PIP5K1C: variants seen among roughly 807,000 people sequenced by gnomAD.
PIP5K1C encodes the protein phosphatidylinositol-4-phosphate 5-kinase type 1 gamma.
In PIP5K1C, 45 loss-of-function variants were observed where a neutral mutation model predicts 80.1. That is an observed-to-expected ratio of 0.56 (90% CI 0.44 to 0.72). The LOEUF is 0.72. Ranked by LOEUF, PIP5K1C falls within the 30% of genes least tolerant of loss-of-function variation. The pLI is 0.00. For synonymous variants in PIP5K1C, 498 were observed against 420.1 expected (o/e 1.19, Z -2.27); for missense variants, 753 against 954.6 (o/e 0.79, Z 2.78).
rs571980033 is a variant in PIP5K1C at position 3,658,915 on chromosome 19, C to A, written c.468+2051G>T. Among the ~76,000 whole-genome samples the A allele has an allele frequency of 4.6e-5, 7 of 152,320 alleles. No homozygotes were observed. The East Asian group carries it at 1.4e-3, about 29-fold the overall frequency. ...GCAGTGCCAGGACAACCCCCCACAG[C>A]CTCCTTCGTCGGTGCTGGGGCTCTC... On this transcript the variant is annotated intron_variant, in intron 5 of 17. Transcript: ENST00000335312.
chr19:3,679,217 G>A (rs927746500), intron 1 of PIP5K1C, among the ~76,000 whole-genome samples: 2 of 152,100 alleles, frequency 1.3e-5, no homozygotes, highest in African/African-American at 4.8e-5. Flanking sequence ...CTCTGCTTGA[G>A]GAACCTGAGT....
At chr19:3,670,973 C>T (rs781103210) in intron 1 of PIP5K1C, among the ~76,000 whole-genome samples, 3 of 152,212 alleles carry the variant, frequency 2.0e-5, no homozygotes, top group South Asian at 2.1e-4. Flanking sequence ...CGCGGCGGGG[C>T]GGAAGGTGCT....
chr19:3,677,576 C>G (rs1399207521), intron 1 of PIP5K1C, among the ~76,000 whole-genome samples: 3 of 149,112 alleles, frequency 2.0e-5, no homozygotes, highest in Admixed American at 6.7e-5. Flanking sequence ...GAGTGAGACT[C>G]CCTCTCAAAA....
chr19:3,648,677 C>G lies in PIP5K1C; in HGVS notation c.1159G>C (p.Gly387Arg). The change falls in exon 9 of 18, where the codon GGG becomes CGG. Residue 387 changes from glycine to arginine, a missense_variant. Physicochemically the swap from Gly to Arg is moderately radical, Grantham distance 125 (BLOSUM62 -2). Transcript: ENST00000335312. The surrounding 1 kb of genome is among the most constrained non-coding windows in gnomAD (Gnocchi z 4.3). ...CCAATGTGCAGCAGCAGCCGCTCCC[C>G]GCGGCCGTTCACAGCGGGGATCCCG... Reference protein sequence around the residue: ...MGGIPAVNGRGERLLLHIGII... With the variant: ...MGGIPAVNGRRERLLLHIGII... 1 of 1,613,024 alleles carries G rather than the reference C, an allele frequency of 6.2e-7. No homozygotes were observed. The highest frequency in any genetic ancestry group is 8.5e-7 in the Non-Finnish European group (1 of 1,179,892).
Position 3,700,404 on chromosome 19 carries a change from C to A in PIP5K1C, c.-14G>T. 2 of 1,107,612 alleles carry A rather than the reference C, an allele frequency of 1.8e-6. No homozygotes were observed. Among genetic ancestry groups the A allele is most frequent in the Non-Finnish European group, 2.2e-6 (2 of 907,034 alleles). The allele number at this position is 1,107,612 out of a possible 1,614,324, so 68.6% of individuals were successfully genotyped here. A position where few individuals can be genotyped will look rare whatever the true frequency, so the allele number is the denominator to read the frequency against. ...CTCCAGCTCCATGGCCGCGCGCGGA[C>A]GGCGGCGGGGGCGCCCGAGGGGGAC... On this transcript the variant is annotated 5_prime_UTR_variant, in exon 1 of 18. Transcript: ENST00000335312.
intron 6 of PIP5K1C, among the ~76,000 whole-genome samples, chr19:3,655,267 A>G (rs183886876): frequency 6.6e-6 from 1 of 151,506 alleles, no homozygotes; most frequent in Non-Finnish European, 1.5e-5. Context: ...AAATATAAAA[A>G]AATAGCCAGG....
Position 3,688,103 on chromosome 19 carries a change from C to A in PIP5K1C, c.94+12194G>T, listed in dbSNP as rs1330439514. 4.6e-5 allele frequency among the ~76,000 whole-genome samples: 7 copies of A among 152,166 alleles called. No individual in the cohort carries two copies. Among genetic ancestry groups the A allele is most frequent in the African/African-American group, 1.4e-4 (6 of 41,448 alleles). Reference sequence around the variant, plus strand: ...CTGGGGGAAGCCCGGCCCGTGCGGGCTGCGGGAGATCCTGATGGGCCCCGA... The same window carrying A: ...CTGGGGGAAGCCCGGCCCGTGCGGGATGCGGGAGATCCTGATGGGCCCCGA... On this transcript the variant is annotated intron_variant, in intron 1 of 17. Transcript: ENST00000335312. The surrounding 1 kb of genome is among the most constrained non-coding windows in gnomAD (Gnocchi z 5.3).
At chr19:3,691,369 G>A (rs1026932364) in intron 1 of PIP5K1C, among the ~76,000 whole-genome samples, 1 of 152,190 alleles carries the variant, frequency 6.6e-6, no homozygotes, top group Non-Finnish European at 1.5e-5. Flanking sequence ...TCCAGGGTAA[G>A]CGGATTCCTA....
intron 4 of PIP5K1C, among the ~76,000 whole-genome samples, chr19:3,661,547 T>A (rs2034833005): frequency 6.6e-6 from 1 of 152,176 alleles, no homozygotes; most frequent in Admixed American, 6.5e-5. Flanking sequence ...AGGATGGCGG[T>A]GTGGGGTGAC....
intron 9 of PIP5K1C, 73 bp from the exon 10 acceptor site, chr19:3,647,459 C>T: frequency 7.9e-7 from 1 of 1,262,050 alleles, no homozygotes; most frequent in Non-Finnish European, 1.1e-6. Context: ...TCAGGGGCCA[C>T]TGTGCACCCC....
rs1209584991 is a variant in PIP5K1C, at chr19:3,696,195, G to A, written c.94+4102C>T. Among the ~76,000 whole-genome samples the A allele has an allele frequency of 2.0e-5, 3 of 152,200 alleles. No homozygotes were observed. Among genetic ancestry groups the A allele is most frequent in the South Asian group, 2.1e-4 (1 of 4,836 alleles). ...TGCCCAATGCCCACAGGTCTCCCTC[G>A]GATGCCACCTTCTTGGCAAGGCCTT... On this transcript the variant is annotated intron_variant, in intron 1 of 17. Transcript: ENST00000335312. The surrounding 1 kb of genome is among the most constrained non-coding windows in gnomAD (Gnocchi z 4.1).
intron 16 of PIP5K1C, chr19:3,636,511 C>T: frequency 1.0e-6 from 1 of 985,568 alleles, no homozygotes; most frequent in African/African-American, 1.7e-5. Flanking sequence ...CGAACTGCTC[C>T]CTGCCTATGG....
chr19:3,694,723 C>A (rs1005604994), intron 1 of PIP5K1C, among the ~76,000 whole-genome samples: 4 of 152,244 alleles, frequency 2.6e-5, no homozygotes, highest in African/African-American at 9.6e-5. Flanking sequence ...GGCCTCGGCG[C>A]GACTATTCCG....
intron 1 of PIP5K1C, among the ~76,000 whole-genome samples, chr19:3,694,137 G>A (rs967182309): frequency 3.3e-5 from 5 of 151,738 alleles, no homozygotes; most frequent in African/African-American, 7.3e-5. Flanking sequence ...GCGTGAACCC[G>A]GGAGGTGGAG....
Position 3,679,764 on chromosome 19 carries a change from G to A in PIP5K1C, c.95-12411C>T, listed in dbSNP as rs538571006. Among the ~76,000 whole-genome samples the A allele has an allele frequency of 7.2e-4, 109 of 152,338 alleles. 1 individual carries two copies. The highest frequency in any genetic ancestry group is 2.6e-3 in the African/African-American group (107 of 41,578). On this transcript the variant is annotated intron_variant, in intron 1 of 17. Coordinates refer to ENST00000335312, the MANE Select transcript of PIP5K1C (RefSeq NM_012398.3). ...AGCACAGGCTTGGGTCAGATGTGCTGAGCAGTCAGGACCTGCAGGGTTGGA... is the reference window on the plus strand; with the variant it reads ...AGCACAGGCTTGGGTCAGATGTGCTAAGCAGTCAGGACCTGCAGGGTTGGA...
chr19:3,671,296 A>G (rs1423275818), intron 1 of PIP5K1C, among the ~76,000 whole-genome samples: 6 of 151,798 alleles, frequency 4.0e-5, no homozygotes, highest in Non-Finnish European at 7.4e-5. Flanking sequence ...CCCTGCCCGG[A>G]CTCTCCCAGG....
At chr19:3,638,255 C>T (rs886162800) in intron 16 of PIP5K1C, among the ~76,000 whole-genome samples, 4 of 152,172 alleles carry the variant, frequency 2.6e-5, no homozygotes, top group Non-Finnish European at 5.9e-5. Flanking sequence ...GCAGCCACCT[C>T]ACCCAGACCC....
chr19:3,661,149 G>A, intron 4 of PIP5K1C, 66 bp from the exon 5 acceptor site: 1 of 1,098,434 alleles, frequency 9.1e-7, no homozygotes, highest in Non-Finnish European at 1.4e-6. Context: ...CCCCCGCCAT[G>A]GTCCCTCCTA....
chr19:3,639,226 GTGACC>G (rs2033852506), intron 15 of PIP5K1C, among the ~76,000 whole-genome samples: 1 of 152,210 alleles, frequency 6.6e-6, no homozygotes, highest in African/African-American at 2.4e-5. Flanking sequence ...GGCCCCAGGA[GTGACC>G]TGGAGTGACC....
Sources: allele counts gnomAD v4.1 joint callset (sites outside exome capture counted in the v4.1 genomes callset), GRCh38; gene constraint gnomAD v4.1.1; non-coding constraint Gnocchi (gnomAD v3.1); transcripts MANE v1.5; gene names NCBI Gene and HGNC (gene_info 2026-07-23, HGNC 2026-07-21).